The following FNDC3B variants were observed in gnomAD, a reference collection of about 807,000 sequenced individuals.
FNDC3B encodes fibronectin type III domain-containing protein 3B.
In FNDC3B, 12 loss-of-function variants were observed where a neutral mutation model predicts 151.5. The ratio of observed to expected loss-of-function variants is 0.08; its 90% confidence interval spans 0.05 to 0.13. FNDC3B has a LOEUF of 0.13. Ranked by LOEUF, FNDC3B falls within the 10% of genes least tolerant of loss-of-function variation. FNDC3B has a pLI of 1.00. For missense variants in FNDC3B, 1,214 were observed against 1,505.3 expected, an observed-to-expected ratio of 0.81 and a Z score of 3.20; for synonymous variants, 528 against 549.0, an observed-to-expected ratio of 0.96 and a Z score of 0.54.
intron 23 of FNDC3B, among the ~76,000 whole-genome samples, chr3:172,371,948 A>G (rs1734902374): frequency 6.6e-6 from 1 of 152,236 alleles, no homozygotes; most frequent in Non-Finnish European, 1.5e-5. Context: ...AGTATTAAAA[A>G]CAGTAGTATT....
intron 9 of FNDC3B, among the ~76,000 whole-genome samples, chr3:172,299,251 A>C (rs1292230753): frequency 6.6e-6 from 1 of 152,216 alleles, no homozygotes; most frequent in Non-Finnish European, 1.5e-5. Context: ...ACAAGCATCA[A>C]ATTATCTCTG....
chr3:172,212,998 G>A (rs1277850007), intron 3 of FNDC3B, among the ~76,000 whole-genome samples: 5 of 152,058 alleles, frequency 3.3e-5, no homozygotes, highest in Non-Finnish European at 5.9e-5. Flanking sequence ...TTTTCTGGTT[G>A]TGGCTTTTCT....
At chr3:172,314,691 C>T (rs1178936723) in intron 11 of FNDC3B, among the ~76,000 whole-genome samples, 1 of 152,218 alleles carries the variant, frequency 6.6e-6, no homozygotes, top group East Asian at 1.9e-4. Context: ...TAAAAAAAGA[C>T]TTGCATGGAA....
rs1179377188 is a variant in FNDC3B at position 172,344,088 on chromosome 3, G to A, written c.2080G>A (p.Val694Ile). 6.2e-7 allele frequency: 1 copy of A among 1,608,294 alleles called. No homozygotes were observed. The highest frequency in any genetic ancestry group is 2.2e-5 in the East Asian group (1 of 44,576). ...KHKEVHLEWD[V>I]PASESGCEVS... is the part of the protein sequence containing the mutation. Reference sequence around the variant, plus strand: ...TGAAAAAAATTCTTCATTCCCAGATGTTCCTGCATCGGAAAGTGGCTGTGA... The same window carrying A: ...TGAAAAAAATTCTTCATTCCCAGATATTCCTGCATCGGAAAGTGGCTGTGA... The change falls in exon 19 of 26, where the codon GTT (valine) becomes ATT (isoleucine). Residue 694 changes from valine to isoleucine, a missense_variant and splice_region_variant. Physicochemically the swap from Val to Ile is conservative, Grantham distance 29. Transcript: ENST00000415807.
intron 1 of FNDC3B, among the ~76,000 whole-genome samples, chr3:172,095,583 T>C (rs1719054249): frequency 6.6e-6 from 1 of 152,250 alleles, no homozygotes; most frequent in South Asian, 2.1e-4. Flanking sequence ...GTTTCACATT[T>C]TTCCGTTAGA....
chr3:172,337,527 C>T, intron 16 of FNDC3B, 126 bp downstream of exon 16: 2 of 675,188 alleles, frequency 3.0e-6, no homozygotes, highest in South Asian at 3.9e-5. Flanking sequence ...TTACAATAAA[C>T]AAACTTTAGT....
rs757591793 is a variant in FNDC3B, at chr3:172,352,977, G to A, written c.2689G>A (p.Gly897Arg). ...VLNWEEPCNN[G>R]SEILAYTIDL... ...GAACTGGGAAGAGCCGTGCAATAAC[G>A]GATCTGAAATCCTTGCTTACACCAT... The change falls in exon 22 of 26, where the codon GGA (glycine) becomes AGA (arginine). Residue 897 changes from glycine (G) to arginine (R), a missense_variant. Around this residue, in one of 7 missense-constraint regions of FNDC3B, gnomAD observed 284 missense variants for 392.4 expected, o/e 0.72. Transcript: ENST00000415807. This position sits in a 1 kb window ranked among gnomAD's most constrained non-coding sequence, Gnocchi z 4.2. 3 of 1,614,158 alleles carry A rather than the reference G, an allele frequency of 1.9e-6. No homozygotes were observed. Among genetic ancestry groups the A allele is most frequent in the South Asian group, 1.1e-5 (1 of 91,086 alleles).
intron 11 of FNDC3B, among the ~76,000 whole-genome samples, chr3:172,319,074 G>A (rs1325727964): frequency 6.6e-6 from 1 of 152,218 alleles, no homozygotes; most frequent in Admixed American, 6.5e-5. Context: ...TGTACATGAT[G>A]AGGTTGTGTG....
chr3:172,176,860 G>A (rs1344695659), intron 3 of FNDC3B, among the ~76,000 whole-genome samples: 1 of 152,202 alleles, frequency 6.6e-6, no homozygotes, highest in African/African-American at 2.4e-5. Flanking sequence ...TGCAGTGGGG[G>A]AGAGAGAATA....
At chr3:172,264,030 A>G (rs1294243548) in intron 6 of FNDC3B, among the ~76,000 whole-genome samples, 1 of 152,078 alleles carries the variant, frequency 6.6e-6, no homozygotes, top group Non-Finnish European at 1.5e-5. Context: ...TCTGTTACCC[A>G]GGCTGGAGTG....
chr3:172,350,553 G>T (rs780170667), intron 21 of FNDC3B, among the ~76,000 whole-genome samples: 2 of 152,178 alleles, frequency 1.3e-5, no homozygotes, highest in African/African-American at 2.4e-5. Flanking sequence ...AGGTATTGAG[G>T]TATTGTAATG....
intron 9 of FNDC3B, among the ~76,000 whole-genome samples, chr3:172,305,889 T>C (rs1376812988): frequency 2.6e-5 from 4 of 152,184 alleles, no homozygotes; most frequent in African/African-American, 9.7e-5. Context: ...TAGTTTTATA[T>C]TATCACGTGC....
At chr3:172,224,219 G>A (rs1278083394) in intron 3 of FNDC3B, among the ~76,000 whole-genome samples, 1 of 152,170 alleles carries the variant, frequency 6.6e-6, no homozygotes, top group Non-Finnish European at 1.5e-5. Context: ...CTCTCTCGTT[G>A]GCTGTGTCAA....
Position 172,341,114 on chromosome 3 carries a change from G to C in FNDC3B, c.1854G>C (p.Ala618=). 2.5e-6 allele frequency: 4 copies of C among 1,608,422 alleles called. No homozygotes were observed. Among genetic ancestry groups the C allele is most frequent in the South Asian group, 2.2e-5 (2 of 90,964 alleles). Residue 618 remains alanine (A), a splice_region_variant and synonymous_variant, in exon 17 of 26, where the codon GCG becomes GCC. Coordinates refer to ENST00000415807, the MANE Select transcript of FNDC3B (RefSeq NM_022763.4). ...LLEITDGNSE[A]NQWEVAYSGS... is the part of the protein sequence containing the mutation. ...TCATGCATAAGTCTTGTTTTACAGC[G>C]AATCAGTGGGAAGTGGCCTACAGTG...
intron 1 of FNDC3B, among the ~76,000 whole-genome samples, chr3:172,066,368 C>T (rs967265486): frequency 2.0e-5 from 3 of 152,168 alleles, no homozygotes; most frequent in African/African-American, 7.2e-5. Context: ...GGAAGGGGAA[C>T]GATGTGATTC....
chr3:172,130,470 A>G (rs939414775), intron 2 of FNDC3B, among the ~76,000 whole-genome samples: 4 of 152,062 alleles, frequency 2.6e-5, no homozygotes, highest in African/African-American at 9.7e-5. Context: ...CCCGTTACCT[A>G]TCATCTTTCT....
In FNDC3B at chr3:172,253,397, A is replaced by G. The variant is rs540786305; in HGVS notation, c.790+1856A>G. Among the ~76,000 whole-genome samples the G allele has an allele frequency of 5.9e-5, 9 of 152,318 alleles. No individual in the cohort carries two copies. The South Asian group carries it at 1.9e-3, about 32-fold the overall frequency. ...ACGAAGAATAAAACACTTCTTGTTC[A>G]TGGGGTCCATCAAGTGGCTCACAAT... On this transcript the variant is annotated intron_variant, in intron 6 of 25. Coordinates refer to ENST00000415807, the MANE Select transcript of FNDC3B (RefSeq NM_022763.4).
rs199878299 is a variant in FNDC3B at position 172,344,099 on chromosome 3, G to A, written c.2091G>A (p.Ser697=). The A allele has an allele frequency of 3.7e-5, 60 of 1,610,356 alleles. 1 individual carries two copies. The highest frequency in any genetic ancestry group is 1.7e-4 in the Middle Eastern group (1 of 6,048). Residue 697 remains serine (S), a synonymous_variant, in exon 19 of 26, where the codon TCG becomes TCA. Coordinates refer to ENST00000415807, the MANE Select transcript of FNDC3B (RefSeq NM_022763.4). ...CTTCATTCCCAGATGTTCCTGCATCGGAAAGTGGCTGTGAGGTCTCAGAGT... is the reference window on the plus strand; with the variant it reads ...CTTCATTCCCAGATGTTCCTGCATCAGAAAGTGGCTGTGAGGTCTCAGAGT... ...EVHLEWDVPA[S]ESGCEVSEYS...
chr3:172,277,660 C>T (rs575587776), intron 6 of FNDC3B, among the ~76,000 whole-genome samples: 12 of 152,222 alleles, frequency 7.9e-5, no homozygotes, highest in African/African-American at 2.4e-4. Flanking sequence ...TTTTACAAAT[C>T]GAGCAATTTC....
Sources: allele counts gnomAD v4.1 joint callset (sites outside exome capture counted in the v4.1 genomes callset), GRCh38; gene constraint gnomAD v4.1.1; regional missense constraint gnomAD v4.1.1; non-coding constraint Gnocchi (gnomAD v3.1); transcripts MANE v1.5; gene names NCBI Gene and HGNC (gene_info 2026-07-23, HGNC 2026-07-21).